The following SLC26A7 variants were observed in gnomAD, a reference collection of about 807,000 sequenced individuals.
SLC26A7 encodes anion exchange transporter.
In SLC26A7, 59 loss-of-function variants were observed where a neutral mutation model predicts 82.5. That is an observed-to-expected ratio of 0.72 (90% CI 0.58 to 0.89). The LOEUF (loss-of-function observed/expected upper bound fraction) is 0.89. Ranked by LOEUF, SLC26A7 falls within the 40% of genes least tolerant of loss-of-function variation. The probability of loss-of-function intolerance (pLI) is 0.00; values close to 1 mark genes in which losing one functional copy is unlikely to be tolerated. For synonymous variants in SLC26A7, 271 were observed against 274.3 expected (o/e 0.99, Z 0.12); for missense variants, 820 against 793.0 (o/e 1.03, Z -0.41).
intron 4 of SLC26A7, among the ~76,000 whole-genome samples, chr8:91,307,222 A>C (rs1404510219): frequency 1.1e-5 from 1 of 94,064 alleles, no homozygotes; most frequent in Middle Eastern, 4.2e-3. Context: ...TAGTTCAACC[A>C]TTGTGGAAGT....
At chr8:91,308,097 C>T (rs1812373020) in intron 4 of SLC26A7, among the ~76,000 whole-genome samples, 1 of 152,138 alleles carries the variant, frequency 6.6e-6, no homozygotes, top group Admixed American at 6.6e-5. Context: ...TTCCTTATTA[C>T]TGAACATTGC....
At chr8:91,237,296 C>T (rs1196093428) in intron 2 of SLC26A7, among the ~76,000 whole-genome samples, 7 of 152,150 alleles carry the variant, frequency 4.6e-5, no homozygotes, top group African/African-American at 1.2e-4. Context: ...TTCCAAATAT[C>T]GTGTGGGACA....
At chr8:91,253,504 A>G (rs571027002) in intron 2 of SLC26A7, among the ~76,000 whole-genome samples, 15 of 152,244 alleles carry the variant, frequency 9.9e-5, no homozygotes, top group African/African-American at 3.6e-4. Flanking sequence ...TCCATACTGC[A>G]GCCAGAATAA....
At chr8:91,225,648 T>G (rs1247409593) in intron 2 of SLC26A7, among the ~76,000 whole-genome samples, 4 of 105,418 alleles carry the variant, frequency 3.8e-5, no homozygotes, top group East Asian at 2.2e-4. Context: ...AAAGTGTTTT[T>G]TTTTTTTTTT....
chr8:91,347,599 G>A (rs1813595723), intron 9 of SLC26A7, among the ~76,000 whole-genome samples: 2 of 152,138 alleles, frequency 1.3e-5, no homozygotes, highest in Non-Finnish European at 1.5e-5. Context: ...AGCCATATGA[G>A]GCTGTTTTGA....
At position 91,368,575 on chromosome 8, in the gene SLC26A7, C is replaced by T. The variant is rs562673920; in HGVS notation, c.1627-1210C>T. ...CTGGGACTACAGGCGCCCGCCACCA[C>T]GCCTGGCTAATTTTTTTTTTTGTAT... On this transcript the variant is annotated intron_variant, in intron 14 of 18. Coordinates refer to ENST00000276609, the MANE Select transcript of SLC26A7 (RefSeq NM_052832.4). Among the ~76,000 whole-genome samples, 122 of 152,058 alleles carry T rather than the reference C, an allele frequency of 8.0e-4. 1 individual carries two copies. The highest frequency in any genetic ancestry group is 3.1e-3 in the South Asian group (15 of 4,808).
intron 2 of SLC26A7, among the ~76,000 whole-genome samples, chr8:91,221,573 T>G (rs1305369189): frequency 1.3e-5 from 2 of 152,204 alleles, no homozygotes; most frequent in Admixed American, 1.3e-4. Flanking sequence ...GGGGTCCAGT[T>G]TCAGTGTTCT....
At chr8:91,247,416 A>T (rs1810559755), upstream of SLC26A7, among the ~76,000 whole-genome samples, 2 of 152,124 alleles carry the variant, frequency 1.3e-5, no homozygotes, top group Non-Finnish European at 2.9e-5. Flanking sequence ...AAATTTCCTC[A>T]TAATGTTTTT....
At chr8:91,210,432 T>A (rs2130643707) in intron 1 of SLC26A7, among the ~76,000 whole-genome samples, 1 of 152,140 alleles carries the variant, frequency 6.6e-6, no homozygotes, top group East Asian at 1.9e-4. Flanking sequence ...TTTGAAACAC[T>A]GTCATGTGAA....
At chr8:91,367,210 G>A (rs1278946805) in intron 14 of SLC26A7, among the ~76,000 whole-genome samples, 1 of 152,036 alleles carries the variant, frequency 6.6e-6, no homozygotes, top group Non-Finnish European at 1.5e-5. Flanking sequence ...GGGTTTCATG[G>A]TGTTAGCCAG....
chr8:91,338,276 T>A (rs1357329354), intron 7 of SLC26A7, 44 bp downstream of exon 7: 2 of 1,448,618 alleles, frequency 1.4e-6, no homozygotes, highest in Non-Finnish European at 1.9e-6. Flanking sequence ...TTTGTTTGTT[T>A]ATTTTTGATG....
chr8:91,310,474 T>C (rs1812450570), intron 4 of SLC26A7, among the ~76,000 whole-genome samples: 1 of 152,096 alleles, frequency 6.6e-6, no homozygotes, highest in Non-Finnish European at 1.5e-5. Flanking sequence ...TATCCCTCAC[T>C]GAGGATCTGG....
At chr8:91,265,353 T>C (rs1811082576) in intron 2 of SLC26A7, among the ~76,000 whole-genome samples, 1 of 152,086 alleles carries the variant, frequency 6.6e-6, no homozygotes, top group African/African-American at 2.4e-5. Context: ...AACATGGGAA[T>C]GCAGATCTCT....
At position 91,365,753 on chromosome 8, in the gene SLC26A7, T is replaced by C. The variant is rs183316608; in HGVS notation, c.1489-827T>C. 6.6e-5 allele frequency among the ~76,000 whole-genome samples: 10 copies of C among 152,348 alleles called. No individual in the cohort carries two copies. The East Asian group carries it at 1.9e-3, about 29-fold the overall frequency. On this transcript the variant is annotated intron_variant, in intron 13 of 18. Coordinates refer to ENST00000276609, the MANE Select transcript of SLC26A7 (RefSeq NM_052832.4). ...CATACTTAATATTTTCTTTCTTTCA[T>C]ACTTCTATCCTCTGTCTGTATGCAT...
intron 2 of SLC26A7, among the ~76,000 whole-genome samples, chr8:91,265,136 C>T (rs772983745): frequency 1.9e-4 from 29 of 151,982 alleles, no homozygotes; most frequent in African/African-American, 6.5e-4. Flanking sequence ...TGAGATTATG[C>T]GGTATTTGTC....
Position 91,271,828 on chromosome 8 carries a change from T to C in SLC26A7, c.194-17308T>C, listed in dbSNP as rs373475805. On this transcript the variant is annotated intron_variant, in intron 2 of 18. Coordinates refer to ENST00000276609, the MANE Select transcript of SLC26A7 (RefSeq NM_052832.4). ...CCAGGATGGTCTCGATCTCCTGACCTTGTGATCCGCCTGCCTCGGCCTCTC... is the reference window on the plus strand; with the variant it reads ...CCAGGATGGTCTCGATCTCCTGACCCTGTGATCCGCCTGCCTCGGCCTCTC... Among the ~76,000 whole-genome samples the C allele has an allele frequency of 1.2e-3, 184 of 152,274 alleles. 3 individuals are homozygous for C. The South Asian group carries it at 0.038, about 31-fold the overall frequency.
chr8:91,267,530 T>G (rs1811146976), intron 2 of SLC26A7, among the ~76,000 whole-genome samples: 1 of 151,930 alleles, frequency 6.6e-6, no homozygotes, highest in East Asian at 1.9e-4. Context: ...CTTCCAGATT[T>G]CCCAATTCAT....
intron 2 of SLC26A7, among the ~76,000 whole-genome samples, chr8:91,266,845 G>T (rs901237831): frequency 1.3e-5 from 2 of 151,834 alleles, no homozygotes; most frequent in Non-Finnish European, 2.9e-5. Flanking sequence ...TTCAACTTTT[G>T]CCCATTCAGT....
intron 11 of SLC26A7, among the ~76,000 whole-genome samples, chr8:91,355,811 T>C (rs1337407218): frequency 6.6e-6 from 1 of 152,102 alleles, no homozygotes; most frequent in Non-Finnish European, 1.5e-5. Context: ...TGTGCCATGT[T>C]GGTGTGCTGC....
Sources: allele counts gnomAD v4.1 joint callset (sites outside exome capture counted in the v4.1 genomes callset), GRCh38; gene constraint gnomAD v4.1.1; transcripts MANE v1.5; gene names NCBI Gene and HGNC (gene_info 2026-07-23, HGNC 2026-07-21).